Variants in DIAPH3 observed in about 807,000 individuals in gnomAD.
The protein encoded by DIAPH3 is protein diaphanous homolog 3.
A neutral mutation model predicts 144.3 loss-of-function variants in DIAPH3; 117 were observed. The ratio of observed to expected loss-of-function variants is 0.81; its 90% CI spans 0.70 to 0.95. The LOEUF (loss-of-function observed/expected upper bound fraction) is 0.95, where lower values mean the gene tolerates loss of function less well. Ranked by LOEUF, DIAPH3 falls within the 40% of genes least tolerant of loss-of-function variation. The pLI, the probability that DIAPH3 is intolerant of heterozygous loss-of-function variation, is 0.00. For missense variants in DIAPH3, 1,421 were observed against 1,412.7 expected, an observed-to-expected ratio of 1.01 and a Z score of -0.09; for synonymous variants, 519 against 488.9, an observed-to-expected ratio of 1.06 and a Z score of -0.81.
chr13:59,722,067 A>G (rs1029619753), intron 27 of DIAPH3, among the ~76,000 whole-genome samples: 1 of 152,210 alleles, frequency 6.6e-6, no homozygotes, highest in African/African-American at 2.4e-5. Flanking sequence ...CTGTCAAAAC[A>G]TTGTCCATAA....
chr13:60,114,172 T>A (rs2058641761), intron 2 of DIAPH3, among the ~76,000 whole-genome samples: 1 of 143,876 alleles, frequency 7.0e-6, no homozygotes, highest in Non-Finnish European at 1.5e-5. Flanking sequence ...GAACTCTACA[T>A]TAACCCTAAA....
intron 17 of DIAPH3, among the ~76,000 whole-genome samples, chr13:59,943,514 T>A (rs1342809910): frequency 6.6e-6 from 1 of 152,058 alleles, no homozygotes; most frequent in African/African-American, 2.4e-5. Context: ...ATAAAGAAAA[T>A]CTTAATCTAT....
chr13:59,890,780 T>C (rs2045741225), intron 20 of DIAPH3, among the ~76,000 whole-genome samples: 1 of 152,148 alleles, frequency 6.6e-6, no homozygotes, highest in African/African-American at 2.4e-5. Context: ...TAATAGTTTA[T>C]GGGGAGCTGT....
At chr13:59,955,164 G>A (rs1453226098) in intron 17 of DIAPH3, among the ~76,000 whole-genome samples, 1 of 151,128 alleles carries the variant, frequency 6.6e-6, no homozygotes, top group Non-Finnish European at 1.5e-5. Flanking sequence ...TTTTATATAT[G>A]AAAAATTCTA....
intron 2 of DIAPH3, among the ~76,000 whole-genome samples, chr13:60,114,913 G>A (rs2058664234): frequency 6.6e-6 from 1 of 151,980 alleles, no homozygotes; most frequent in African/African-American, 2.4e-5. Context: ...CAGGGATTAG[G>A]GCAGTCAAAG....
At chr13:60,009,003 AG>A (rs2053064688) in intron 8 of DIAPH3, among the ~76,000 whole-genome samples, 1 of 152,156 alleles carries the variant, frequency 6.6e-6, no homozygotes, top group African/African-American at 2.4e-5. Flanking sequence ...AGGCAGAAAA[AG>A]GTTAAGCAAT....
At chr13:59,711,071 C>T (rs765877841) in intron 27 of DIAPH3, among the ~76,000 whole-genome samples, 1 of 152,154 alleles carries the variant, frequency 6.6e-6, no homozygotes, top group African/African-American at 2.4e-5. Context: ...AGACTTTCCA[C>T]CCTTAAATTG....
At chr13:59,762,963 A>G (rs538954312) in intron 27 of DIAPH3, among the ~76,000 whole-genome samples, 7 of 152,226 alleles carry the variant, frequency 4.6e-5, no homozygotes, top group Middle Eastern at 3.4e-3. Context: ...ATGCAGTAAG[A>G]AGGCCCTCAC....
At chr13:59,905,141 G>C (rs934608006) in intron 20 of DIAPH3, among the ~76,000 whole-genome samples, 3 of 151,876 alleles carry the variant, frequency 2.0e-5, no homozygotes, top group Admixed American at 2.0e-4. Context: ...AGGAGATCGA[G>C]ATCATCCTGG....
chr13:59,852,716 A>T (rs2043047156), intron 22 of DIAPH3, among the ~76,000 whole-genome samples: 2 of 152,174 alleles, frequency 1.3e-5, no homozygotes, highest in Non-Finnish European at 2.9e-5. Context: ...CATTTTTAGA[A>T]AACTACTAAC....
intron 4 of DIAPH3, among the ~76,000 whole-genome samples, chr13:60,092,607 CG>C (rs2057983395): frequency 6.6e-6 from 1 of 151,884 alleles, no homozygotes; most frequent in Non-Finnish European, 1.5e-5. Flanking sequence ...GCCGAGATGG[CG>C]CCACTGCACC....
At chr13:59,698,086 C>T (rs1227667385) in intron 27 of DIAPH3, among the ~76,000 whole-genome samples, 1 of 152,050 alleles carries the variant, frequency 6.6e-6, no homozygotes, top group African/African-American at 2.4e-5. Context: ...TGCATATGCC[C>T]AAATGTGCAT....
At chr13:59,776,853 G>A (rs1344094763) in intron 25 of DIAPH3, among the ~76,000 whole-genome samples, 1 of 152,004 alleles carries the variant, frequency 6.6e-6, no homozygotes, top group African/African-American at 2.4e-5. Context: ...ATATGGAATT[G>A]GAGAAAAAGA....
At chr13:59,836,648 TTAA>T (rs1366819603) in intron 23 of DIAPH3, among the ~76,000 whole-genome samples, 2 of 151,932 alleles carry the variant, frequency 1.3e-5, no homozygotes, top group African/African-American at 4.8e-5. Flanking sequence ...AAATTGTATC[TTAA>T]TAATTTAAAA....
Position 60,109,883 on chromosome 13 carries a change from A to T in DIAPH3, c.390+2127T>A, listed in dbSNP as rs531904498. 2.0e-5 allele frequency among the ~76,000 whole-genome samples: 3 copies of T among 152,336 alleles called. No homozygotes were observed. In the South Asian group the frequency reaches 6.2e-4, roughly 32 times the overall value. On this transcript the variant is annotated intron_variant, in intron 3 of 27. Transcript: ENST00000400324. ...AACACAACTATTTCACGTATCTAATAGTCATACAGAAACCAATATGGGCTT... is the reference window on the plus strand; with the variant it reads ...AACACAACTATTTCACGTATCTAATTGTCATACAGAAACCAATATGGGCTT...
At chr13:60,161,297 T>G (rs1952278258) in intron 1 of DIAPH3, among the ~76,000 whole-genome samples, 1 of 152,236 alleles carries the variant, frequency 6.6e-6, no homozygotes, top group African/African-American at 2.4e-5. Context: ...AGTGACTGAC[T>G]TGACACCTAC....
chr13:59,691,089 A>ATGTTACTTTCAT (rs2033493907), intron 27 of DIAPH3, among the ~76,000 whole-genome samples: 1 of 152,110 alleles, frequency 6.6e-6, no homozygotes, highest in Non-Finnish European at 1.5e-5. Context: ...GCAAATACAA[A>ATGTTACTTTCAT]ATGCTGGGAG....
At chr13:59,762,120 G>A (rs537563675) in intron 27 of DIAPH3, among the ~76,000 whole-genome samples, 8 of 140,390 alleles carry the variant, frequency 5.7e-5, no homozygotes, top group Admixed American at 4.7e-4. Flanking sequence ...GTGCAGTGGC[G>A]CGATCTCAAC....
Position 59,833,183 on chromosome 13 carries a change from T to A in DIAPH3, c.2951A>T (p.Tyr984Phe), listed in dbSNP as rs1203778488. 1 of 1,610,672 alleles carries A rather than the reference T, an allele frequency of 6.2e-7. No individual in the cohort carries two copies. Among genetic ancestry groups the A allele is most frequent in the Non-Finnish European group, 8.5e-7 (1 of 1,177,976 alleles). Reference sequence around the variant, plus strand: ...CACCTTCTTCACATCAATGGCATAGTATCCTATTATACTCTGGTATAACTT... The same window carrying A: ...CACCTTCTTCACATCAATGGCATAGAATCCTATTATACTCTGGTATAACTT... ...MEKLYQSIIG[Y>F]YAIDVKKVSV... Residue 984 changes from tyrosine (Y) to phenylalanine (F), a missense_variant, in exon 24 of 28, where the codon TAC becomes TTC. Transcript: ENST00000400324.
Sources: allele counts gnomAD v4.1 joint callset (sites outside exome capture counted in the v4.1 genomes callset), GRCh38; gene constraint gnomAD v4.1.1; transcripts MANE v1.5; gene names NCBI Gene and HGNC (gene_info 2026-07-23, HGNC 2026-07-21).